Variants in LRFN2 observed in about 807,000 individuals in gnomAD.
The protein encoded by LRFN2 is leucine-rich repeat and fibronectin type-III domain-containing protein 2.
Under a neutral mutation model 37.3 loss-of-function variants are expected in LRFN2, and 18 were observed. The ratio of observed to expected loss-of-function variants is 0.48; its 90% CI spans 0.33 to 0.72. The LOEUF (loss-of-function observed/expected upper bound fraction) is 0.72, where lower values mean the gene tolerates loss of function less well. Ranked by LOEUF, LRFN2 falls within the 30% of genes least tolerant of loss-of-function variation. The probability of loss-of-function intolerance (pLI) is 0.02; values close to 1 mark genes in which losing one functional copy is unlikely to be tolerated. For missense variants in LRFN2, 1,006 were observed against 1,060.7 expected (o/e 0.95, Z 0.72); for synonymous variants, 556 against 466.6 (o/e 1.19, Z -2.47).
chr6:40,447,966 T>C (rs1163943411), intron 1 of LRFN2, among the ~76,000 whole-genome samples: 3 of 152,208 alleles, frequency 2.0e-5, no homozygotes, highest in Admixed American at 6.5e-5. Context: ...AATCAAGCAC[T>C]GATATTAACT....
chr6:40,464,443 T>C (rs541816414), intron 1 of LRFN2, among the ~76,000 whole-genome samples: 30 of 152,180 alleles, frequency 2.0e-4, no homozygotes, highest in Non-Finnish European at 3.1e-4. Context: ...GAATTAGTTG[T>C]CCACTCCCCT....
intron 1 of LRFN2, among the ~76,000 whole-genome samples, chr6:40,472,399 C>T (rs1434459695): frequency 1.3e-5 from 2 of 152,246 alleles, no homozygotes; most frequent in African/African-American, 4.8e-5. Context: ...GAGTTGGCAT[C>T]TGAAGACCCT....
chr6:40,467,135 A>G (rs962713940), intron 1 of LRFN2, among the ~76,000 whole-genome samples: 2 of 151,846 alleles, frequency 1.3e-5, no homozygotes, highest in Non-Finnish European at 1.5e-5. Flanking sequence ...GCAAAGTAAT[A>G]CACTTATCTC....
At chr6:40,417,915 G>A (rs373036653) in intron 2 of LRFN2, among the ~76,000 whole-genome samples, 1 of 152,104 alleles carries the variant, frequency 6.6e-6, no homozygotes, top group South Asian at 2.1e-4. Flanking sequence ...CAACCATCCC[G>A]TAACTGGTCT....
At position 40,432,336 on chromosome 6, in the gene LRFN2, C is replaced by T. The variant is rs771737244; in HGVS notation, c.778G>A (p.Asp260Asn). 21 of 1,614,140 alleles carry T rather than the reference C, an allele frequency of 1.3e-5. 1 individual carries two copies. Among genetic ancestry groups the T allele is most frequent in the Non-Finnish European group, 1.7e-5 (20 of 1,180,046 alleles). The change falls in exon 2 of 3, where the codon GAT (aspartate) becomes AAT (asparagine). Residue 260 changes from aspartate to asparagine, a missense_variant. Around this residue, in one of 4 missense-constraint regions of LRFN2, gnomAD observed 303 missense variants for 299.8 expected, o/e 1.01. Transcript: ENST00000338305. ...GGGGAGCCACAGGTTTCCAGGTCATCGTCCCGCTCGAGCCTCCGCAGCCAG... is the reference window on the plus strand; with the variant it reads ...GGGGAGCCACAGGTTTCCAGGTCATTGTCCCGCTCGAGCCTCCGCAGCCAG... ...LLWLRRLERD[D>N]DLETCGSPGG...
chr6:40,442,272 T>C (rs1377023488), intron 1 of LRFN2, among the ~76,000 whole-genome samples: 1 of 152,198 alleles, frequency 6.6e-6, no homozygotes, highest in Admixed American at 6.5e-5. Flanking sequence ...GGCTGGAGAA[T>C]GTTCACTCTA....
intron 1 of LRFN2, among the ~76,000 whole-genome samples, chr6:40,488,130 G>A (rs1765009454): frequency 6.6e-6 from 1 of 152,174 alleles, no homozygotes; most frequent in Non-Finnish European, 1.5e-5. Context: ...AAATGAGAAA[G>A]TAGAATAAAT....
intron 1 of LRFN2, among the ~76,000 whole-genome samples, chr6:40,568,986 G>A (rs533258934): frequency 7.9e-5 from 12 of 152,244 alleles, no homozygotes; most frequent in East Asian, 3.9e-4. Flanking sequence ...AGAACCAGAC[G>A]GGAGCACCCA....
chr6:40,577,695 G>A (rs978087876), intron 1 of LRFN2, among the ~76,000 whole-genome samples: 2 of 104,912 alleles, frequency 1.9e-5, no homozygotes, highest in African/African-American at 3.9e-5. Flanking sequence ...TTGGTTTTTT[G>A]TTCTTGCGAT....
At chr6:40,424,526 G>T (rs561709634) in intron 2 of LRFN2, among the ~76,000 whole-genome samples, 6 of 152,064 alleles carry the variant, frequency 3.9e-5, no homozygotes, top group Admixed American at 3.3e-4. Context: ...TATAAAATGG[G>T]TTTAACGTTA....
At position 40,433,019 on chromosome 6, in the gene LRFN2, TCAGA is replaced by T. The variant is rs764846001; in HGVS notation, c.91_94del (p.Glu32HisfsTer43). 3.1e-6 allele frequency: 5 copies of T among 1,602,286 alleles called. No homozygotes were observed. Among genetic ancestry groups the T allele is most frequent in the Non-Finnish European group, 4.3e-6 (5 of 1,174,172 alleles). ...GGAGGGGCACAGGGTCCCCAGTGAC[TCAGA>T]CAGATTCTGGCAGACACAGTACTTG... On this transcript the variant is annotated frameshift_variant, in exon 2 of 3. Coordinates refer to ENST00000338305, the MANE Select transcript of LRFN2 (RefSeq NM_020737.3). LOFTEE classifies it high-confidence loss of function.
chr6:40,440,528 A>C (rs1177136255), intron 1 of LRFN2, among the ~76,000 whole-genome samples: 1 of 152,232 alleles, frequency 6.6e-6, no homozygotes, highest in African/African-American at 2.4e-5. Flanking sequence ...ATGCTCCAGC[A>C]TGAACAGACA....
At chr6:40,443,669 C>A (rs1041234998) in intron 1 of LRFN2, among the ~76,000 whole-genome samples, 7 of 152,130 alleles carry the variant, frequency 4.6e-5, no homozygotes, top group Non-Finnish European at 8.8e-5. Context: ...GGGGTGGAGA[C>A]ACATTATCAG....
intron 1 of LRFN2, among the ~76,000 whole-genome samples, chr6:40,505,850 T>C (rs1217782951): frequency 6.6e-6 from 1 of 152,210 alleles, no homozygotes; most frequent in East Asian, 1.9e-4. Context: ...TCAGCTTGGC[T>C]GGCTTAGCCA....
intron 1 of LRFN2, among the ~76,000 whole-genome samples, chr6:40,580,280 A>T (rs1767374141): frequency 6.6e-6 from 1 of 152,200 alleles, no homozygotes; most frequent in African/African-American, 2.4e-5. Context: ...TAGTGTGAAT[A>T]AAAGCTTCTA....
intron 1 of LRFN2, among the ~76,000 whole-genome samples, chr6:40,444,719 A>G (rs1413406800): frequency 6.6e-6 from 1 of 152,088 alleles, no homozygotes; most frequent in Non-Finnish European, 1.5e-5. Flanking sequence ...CATCAATTCA[A>G]GTTGATTTCC....
At chr6:40,480,106 T>A (rs1764793131) in intron 1 of LRFN2, among the ~76,000 whole-genome samples, 1 of 152,150 alleles carries the variant, frequency 6.6e-6, no homozygotes, top group African/African-American at 2.4e-5. Flanking sequence ...TTCTAAGAAC[T>A]TTGCATATAT....
chr6:40,400,304 A>G lies in LRFN2; in HGVS notation c.1401-7392T>C, dbSNP rs553062883. The stretch of plus-strand genomic sequence containing the variant: ...GGCAGTGAGTGCAAGAGTGCTTTGC[A>G]AAATGTTAGGGCCTAAACATATGTG... On this transcript the variant is annotated intron_variant, in intron 2 of 2. Transcript: ENST00000338305. Among the ~76,000 whole-genome samples the G allele has an allele frequency of 1.3e-4, 19 of 151,914 alleles. 1 individual carries two copies. The highest frequency in any genetic ancestry group is 5.9e-5 in the Non-Finnish European group (4 of 67,950).
chr6:40,479,560 GC>G (rs1381717246), intron 1 of LRFN2, among the ~76,000 whole-genome samples: 1 of 152,214 alleles, frequency 6.6e-6, no homozygotes, highest in Non-Finnish European at 1.5e-5. Flanking sequence ...ATTTCCAGGA[GC>G]CTCCCTCCCG....
Sources: allele counts gnomAD v4.1 joint callset (sites outside exome capture counted in the v4.1 genomes callset), GRCh38; gene constraint gnomAD v4.1.1; regional missense constraint gnomAD v4.1.1; transcripts MANE v1.5; gene names NCBI Gene and HGNC (gene_info 2026-07-23, HGNC 2026-07-21).